EPHB1: variants seen among roughly 807,000 people sequenced by gnomAD.
EPHB1 encodes EPH receptor B1.
In EPHB1, 30 loss-of-function variants were observed where a neutral mutation model predicts 94.4. The ratio of observed to expected loss-of-function variants is 0.32; its 90% CI spans 0.24 to 0.43. EPHB1 has a LOEUF of 0.43. Ranked by LOEUF, EPHB1 falls within the 20% of genes least tolerant of loss-of-function variation. The pLI is 1.00. For missense variants in EPHB1, 1,055 were observed against 1,308.3 expected, an observed-to-expected ratio of 0.81 and a Z score of 2.99; for synonymous variants, 522 against 489.1, an observed-to-expected ratio of 1.07 and a Z score of -0.89.
At chr3:134,816,257 GT>G (rs369724571) in intron 1 of EPHB1, among the ~76,000 whole-genome samples, 7 of 150,748 alleles carry the variant, frequency 4.6e-5, no homozygotes, top group Middle Eastern at 3.2e-3. Flanking sequence ...TAATTTTTTT[GT>G]TTTTTTTGTA....
chr3:134,805,352 C>T (rs922171550), intron 1 of EPHB1, among the ~76,000 whole-genome samples: 16 of 152,146 alleles, frequency 1.1e-4, no homozygotes, highest in African/African-American at 3.4e-4. Context: ...GAAAATCCAC[C>T]GCATTTTGGA....
At chr3:135,116,403 G>A (rs1281380575) in intron 4 of EPHB1, among the ~76,000 whole-genome samples, 1 of 152,062 alleles carries the variant, frequency 6.6e-6, no homozygotes, top group Non-Finnish European at 1.5e-5. Flanking sequence ...CTTCTCACAG[G>A]TGGTCCCCAG....
At chr3:135,031,103 A>C (rs967040077) in intron 3 of EPHB1, among the ~76,000 whole-genome samples, 1 of 152,104 alleles carries the variant, frequency 6.6e-6, no homozygotes, top group Non-Finnish European at 1.5e-5. Context: ...GCGCGCACCC[A>C]CTGACCTGCG....
chr3:134,994,855 A>C (rs1379759693), intron 3 of EPHB1, among the ~76,000 whole-genome samples: 1 of 152,216 alleles, frequency 6.6e-6, no homozygotes, highest in Non-Finnish European at 1.5e-5. Flanking sequence ...ATTAAGAAAA[A>C]CCCATTTACC....
At chr3:134,849,885 A>G (rs764115581) in intron 1 of EPHB1, among the ~76,000 whole-genome samples, 3 of 152,148 alleles carry the variant, frequency 2.0e-5, no homozygotes, top group Admixed American at 1.3e-4. Context: ...CTGGGGGGAT[A>G]TGCCTCCTTT....
intron 1 of EPHB1, among the ~76,000 whole-genome samples, chr3:134,909,053 G>A (rs934040513): frequency 1.4e-5 from 2 of 142,100 alleles, no homozygotes; most frequent in African/African-American, 5.3e-5. Context: ...AGACCCCGTG[G>A]AGCATATAGA....
At position 135,258,877 on chromosome 3, in the gene EPHB1, A is replaced by C; in HGVS notation, c.2847-135A>C. On this transcript the variant is annotated intron_variant, in intron 15 of 15. Transcript: ENST00000398015. ...ATCTCTAATTGGAAGTTTGCCAAAA[A>C]TTTGGGTAAACTTAAGCTAGTTGGA... 3 of 721,602 alleles carry C rather than the reference A, an allele frequency of 4.2e-6. No individual in the cohort carries two copies. The South Asian group carries it at 4.8e-5, about 12-fold the overall frequency. The allele number at this position is 721,602 out of a possible 1,614,324, so 44.7% of individuals were successfully genotyped here. A position where few individuals can be genotyped will look rare whatever the true frequency, so the allele number is the denominator to read the frequency against.
chr3:134,926,980 T>C (rs2038804683), intron 2 of EPHB1, among the ~76,000 whole-genome samples: 1 of 152,158 alleles, frequency 6.6e-6, no homozygotes, highest in Non-Finnish European at 1.5e-5. Context: ...TTCATGTCCC[T>C]GGCTTGGGCA....
At chr3:135,107,237 G>A (rs1366622400) in intron 4 of EPHB1, among the ~76,000 whole-genome samples, 2 of 152,192 alleles carry the variant, frequency 1.3e-5, no homozygotes, top group Admixed American at 1.3e-4. Context: ...TAATGCATTG[G>A]CTACATCACT....
At chr3:135,127,839 G>T (rs944082334) in intron 4 of EPHB1, among the ~76,000 whole-genome samples, 1 of 152,150 alleles carries the variant, frequency 6.6e-6, no homozygotes, top group East Asian at 1.9e-4. Flanking sequence ...TTTAACTCCA[G>T]TGACAACCGT....
At position 135,139,772 on chromosome 3, in the gene EPHB1, G is replaced by A. The variant is rs139238110; in HGVS notation, c.1297+6723G>A. Among the ~76,000 whole-genome samples the A allele has an allele frequency of 5.1e-3, 777 of 152,316 alleles. 4 individuals carry two copies. Among genetic ancestry groups the A allele is most frequent in the Admixed American group, 8.4e-3 (128 of 15,296 alleles). On this transcript the variant is annotated intron_variant, in intron 5 of 15. Coordinates refer to ENST00000398015, the MANE Select transcript of EPHB1 (RefSeq NM_004441.5). Reference sequence around the variant, plus strand: ...AAAAGTTAGGATGGAACCACGTGTCGTTGCCAGAGAGCATTTCAGTTTGTG... The same window carrying A: ...AAAAGTTAGGATGGAACCACGTGTCATTGCCAGAGAGCATTTCAGTTTGTG...
intron 13 of EPHB1, among the ~76,000 whole-genome samples, chr3:135,247,280 T>C (rs948625219): frequency 1.3e-5 from 2 of 152,234 alleles, no homozygotes; most frequent in African/African-American, 4.8e-5. Context: ...TTGGTTTTTG[T>C]TTTTTACAAA....
intron 3 of EPHB1, among the ~76,000 whole-genome samples, chr3:135,007,363 C>T (rs1935458106): frequency 1.3e-5 from 2 of 152,312 alleles, no homozygotes; most frequent in South Asian, 4.1e-4. Context: ...TAATCTTAGA[C>T]TTTCTGAAGA....
At chr3:135,181,256 C>T (rs542443576) in intron 10 of EPHB1, among the ~76,000 whole-genome samples, 1 of 152,340 alleles carries the variant, frequency 6.6e-6, no homozygotes, top group Non-Finnish European at 1.5e-5. Flanking sequence ...GGAAATGACA[C>T]ACCACCTGCT....
chr3:135,198,687 T>C (rs1376516222), intron 11 of EPHB1, among the ~76,000 whole-genome samples: 1 of 152,188 alleles, frequency 6.6e-6, no homozygotes, highest in Non-Finnish European at 1.5e-5. Context: ...GGGAACTGAC[T>C]TGTGAGCCGT....
chr3:135,035,039 C>T (rs1936603548), intron 3 of EPHB1, among the ~76,000 whole-genome samples: 1 of 152,236 alleles, frequency 6.6e-6, no homozygotes, highest in South Asian at 2.1e-4. Flanking sequence ...TCTTGTAGTG[C>T]ACTCCTTCCT....
chr3:135,237,373 A>G (rs1281663133), intron 12 of EPHB1, among the ~76,000 whole-genome samples: 3 of 152,146 alleles, frequency 2.0e-5, no homozygotes, highest in Non-Finnish European at 4.4e-5. Flanking sequence ...TTTCTGAAGC[A>G]GTGGTTTTCA....
intron 3 of EPHB1, chr3:135,067,549 C>T (rs1271759120): frequency 3.3e-5 from 5 of 152,308 alleles, no homozygotes; most frequent in African/African-American, 1.2e-4. Context: ...CCATCCCCCT[C>T]TAACAGCACG....
intron 13 of EPHB1, among the ~76,000 whole-genome samples, chr3:135,247,404 G>T (rs2107730719): frequency 6.6e-6 from 1 of 152,180 alleles, no homozygotes; most frequent in Non-Finnish European, 1.5e-5. Flanking sequence ...GGCCTACATT[G>T]TATTTTAGGC....
Sources: gnomAD v4.1 joint callset for allele counts (sites outside exome capture counted in the v4.1 genomes callset) on GRCh38, gnomAD v4.1.1 for gene constraint, MANE v1.5 for transcripts, NCBI Gene and HGNC (gene_info 2026-07-23, HGNC 2026-07-21) for gene names.